Variants in TMOD3 observed in about 807,000 individuals in gnomAD.
TMOD3 encodes tropomodulin 3, also known as tropomodulin-3.
TMOD3 carries 20 observed loss-of-function variants against 39.2 expected under a neutral mutation model. The observed-to-expected ratio is 0.51, with a 90% CI of 0.36 to 0.74. TMOD3 has a LOEUF of 0.74. TMOD3 is among the 30% of genes least tolerant of loss of function. The pLI, the probability that TMOD3 is intolerant of heterozygous loss-of-function variation, is 0.00. For missense variants in TMOD3, 381 were observed against 412.8 expected (o/e 0.92, Z 0.67); for synonymous variants, 143 against 145.8 (o/e 0.98, Z 0.14).
In TMOD3 at chr15:51,862,304, C is replaced by T. The variant is rs545680946; in HGVS notation, c.-74-507C>T. On this transcript the variant is annotated intron_variant, in intron 1 of 9. Transcript: ENST00000308580. ...TAAAAACACCTCAGAAAAATATTTTCAAATGCATCTTTTCAAAAGAATATT... is the reference window on the plus strand; with the variant it reads ...TAAAAACACCTCAGAAAAATATTTTTAAATGCATCTTTTCAAAAGAATATT... Among the ~76,000 whole-genome samples, 3 of 152,210 alleles carry T rather than the reference C, an allele frequency of 2.0e-5. No individual in the cohort carries two copies. The South Asian group carries it at 6.2e-4, about 32-fold the overall frequency.
chr15:51,862,185 C>T (rs2056422811), intron 1 of TMOD3, among the ~76,000 whole-genome samples: 1 of 152,150 alleles, frequency 6.6e-6, no homozygotes, highest in African/African-American at 2.4e-5. Context: ...CAGTCAGACC[C>T]TCCCACCAAC....
rs1425593717 is a variant in TMOD3 at position 51,914,646 on chromosome 15, CAGAGTGA to C, written c.*5837_*5843del. The C allele has an allele frequency of 6.3e-6, 1 of 157,864 alleles. No individual in the cohort carries two copies. The highest frequency in any genetic ancestry group is 2.4e-5 in the African/African-American group (1 of 41,430). The allele number at this position is 157,864 out of a possible 1,614,324, so 9.8% of individuals were successfully genotyped here. On this transcript the variant is annotated 3_prime_UTR_variant, in exon 10 of 10. Transcript: ENST00000308580. The stretch of plus-strand genomic sequence containing the variant: ...TGCCATTGCACTCCAGCCTGGGTGA[CAGAGTGA>C]GACTCCATCTCAAAAAAATATATGT...
Position 51,869,262 on chromosome 15 carries a change from A to T in TMOD3, c.172A>T (p.Lys58Ter). 1.2e-6 allele frequency: 2 copies of T among 1,614,136 alleles called. No homozygotes were observed. Among genetic ancestry groups the T allele is most frequent in the Non-Finnish European group, 1.7e-6 (2 of 1,180,010 alleles). Residue 58 changes from lysine to a stop codon, truncating the protein, a stop_gained, in exon 3 of 10, where the codon AAG becomes TAG. Transcript: ENST00000308580. LOFTEE classifies it high-confidence loss of function. ...AGFRQKNQTS[K>*]STTGPFDREH... Reference sequence around the variant, plus strand: ...GTTCCGGCAGAAGAACCAGACATCAAAGTCCACCACAGGGCCATTTGATAG... The same window carrying T: ...GTTCCGGCAGAAGAACCAGACATCATAGTCCACCACAGGGCCATTTGATAG...
At chr15:51,862,492 A>G (rs1000063084) in intron 1 of TMOD3, among the ~76,000 whole-genome samples, 4 of 152,212 alleles carry the variant, frequency 2.6e-5, no homozygotes, top group East Asian at 3.8e-4. Context: ...TTTGAAAGCT[A>G]TTGATGGAAA....
At chr15:51,892,147 C>T (rs1164555682) in intron 5 of TMOD3, among the ~76,000 whole-genome samples, 2 of 152,102 alleles carry the variant, frequency 1.3e-5, no homozygotes, top group Non-Finnish European at 2.9e-5. Context: ...CACCCTGTCT[C>T]AAGATGAGTT....
Position 51,915,687 on chromosome 15 carries a change from A to G in TMOD3, c.*6877A>G, listed in dbSNP as rs1032461255. 6.6e-6 allele frequency: 1 copy of G among 152,222 alleles called. No individual in the cohort carries two copies. Among genetic ancestry groups the G allele is most frequent in the Admixed American group, 6.5e-5 (1 of 15,290 alleles). 9.4% of individuals were successfully genotyped at this position (152,222 alleles called of 1,614,324 possible). A position where few individuals can be genotyped will look rare whatever the true frequency, so the allele number is the denominator to read the frequency against. ...TTAGAACTTACCAATATATACTGGGATAAATCGTTTCAATAAAGTTTATCA... is the reference window on the plus strand; with the variant it reads ...TTAGAACTTACCAATATATACTGGGGTAAATCGTTTCAATAAAGTTTATCA... On this transcript the variant is annotated 3_prime_UTR_variant, in exon 10 of 10. Transcript: ENST00000308580.
chr15:51,897,126 G>GC (rs2056624654), intron 7 of TMOD3, among the ~76,000 whole-genome samples: 1 of 152,184 alleles, frequency 6.6e-6, no homozygotes, highest in South Asian at 2.1e-4. Context: ...CCTTCTCAAA[G>GC]CCCTGTACTG....
chr15:51,913,565 A>C lies in TMOD3; in HGVS notation c.*4755A>C, dbSNP rs969454915. 18 of 152,222 alleles carry C rather than the reference A, an allele frequency of 1.2e-4. No homozygotes were observed. The highest frequency in any genetic ancestry group is 4.3e-4 in the African/African-American group (18 of 41,452). The allele number at this position is 152,222 out of a possible 1,614,324, so 9.4% of individuals were successfully genotyped here. On this transcript the variant is annotated 3_prime_UTR_variant, in exon 10 of 10. Coordinates refer to ENST00000308580, the MANE Select transcript of TMOD3 (RefSeq NM_014547.5). ...TATAAGTTCTTCCCTATAAAAAATG[A>C]ATGAATTAGAAATTTGATAATAAAA...
chr15:51,868,562 T>C (rs976892609), intron 2 of TMOD3, among the ~76,000 whole-genome samples: 4 of 152,346 alleles, frequency 2.6e-5, no homozygotes, highest in Middle Eastern at 3.4e-3. Context: ...CTCCCACTTA[T>C]GTAAGTAAGA....
chr15:51,866,527 A>G (rs1457005951), intron 2 of TMOD3, among the ~76,000 whole-genome samples: 2 of 152,156 alleles, frequency 1.3e-5, no homozygotes, highest in African/African-American at 2.4e-5. Context: ...AAGAAAGAAA[A>G]AAAAGGCTTT....
At chr15:51,867,351 C>G (rs921529678) in intron 2 of TMOD3, among the ~76,000 whole-genome samples, 1 of 152,140 alleles carries the variant, frequency 6.6e-6, no homozygotes. Context: ...TGTAATTCCT[C>G]TCATGATTTC....
chr15:51,886,075 CG>C (rs1174158154), intron 3 of TMOD3, among the ~76,000 whole-genome samples: 1 of 150,762 alleles, frequency 6.6e-6, no homozygotes, highest in African/African-American at 2.4e-5. Context: ...ACGGGGCGGC[CG>C]GGCAGAGACT....
chr15:51,873,837 G>C (rs562971602), intron 3 of TMOD3, among the ~76,000 whole-genome samples: 1 of 152,174 alleles, frequency 6.6e-6, no homozygotes, highest in South Asian at 2.1e-4. Flanking sequence ...GGTCAGGCTG[G>C]TCTCGAACTC....
chr15:51,848,336 G>A (rs963768372), intron 1 of TMOD3, among the ~76,000 whole-genome samples: 1 of 152,158 alleles, frequency 6.6e-6, no homozygotes, highest in African/African-American at 2.4e-5. Context: ...CATTGTCCCT[G>A]ACAGATATTC....
intron 3 of TMOD3, among the ~76,000 whole-genome samples, chr15:51,874,401 G>T (rs943705403): frequency 6.6e-6 from 1 of 152,148 alleles, no homozygotes; most frequent in Non-Finnish European, 1.5e-5. Flanking sequence ...GGAGTATTTT[G>T]TCCTATACTG....
In TMOD3 at chr15:51,905,432, A is replaced by G. The variant is rs527356409; in HGVS notation, c.1025-3344A>G. 3.6e-4 allele frequency among the ~76,000 whole-genome samples: 54 copies of G among 152,100 alleles called. 2 individuals are homozygous for G. In the South Asian group the frequency reaches 0.011, roughly 32 times the overall value. On this transcript the variant is annotated intron_variant, in intron 9 of 9. Coordinates refer to ENST00000308580, the MANE Select transcript of TMOD3 (RefSeq NM_014547.5). ...AACCCAGAAGGCGGAGGTTGCAGTG[A>G]GCCGAGATTGCACCACTGTACTCCA... is the stretch of plus-strand genomic sequence containing the variant.
rs1445627118 is a variant in TMOD3 at position 51,878,374 on chromosome 15, A to ATGTGTGTGTGTGTGTG, written c.283+9002_283+9003insGTGTGTGTGTGTGTGT. On this transcript the variant is annotated intron_variant, in intron 3 of 9. Transcript: ENST00000308580. ...ATAACAAGAACCATCTCTTTAAAAT[A>ATGTGTGTGTGTGTGTG]TATGTGTGTGTGTGTGTGTGTGTGT... Among the ~76,000 whole-genome samples, 7 of 80,790 alleles carry ATGTGTGTGTGTGTGTG rather than the reference A, an allele frequency of 8.7e-5. No individual in the cohort carries two copies. In the South Asian group the frequency reaches 1.3e-3, roughly 14 times the overall value. The allele number at this position is 80,790 out of a possible 152,430, so 53.0% of individuals were successfully genotyped here. A position where few individuals can be genotyped will look rare whatever the true frequency, so the allele number is the denominator to read the frequency against.
rs568653677 is a variant in TMOD3, at chr15:51,838,393, A to C, written c.-75+8557A>C. ...ATAGAGTATGTTAGTCAAGGTGTTT[A>C]GGTCTCCGGGAACACAAACCCACTT... On this transcript the variant is annotated intron_variant, in intron 1 of 9. Coordinates refer to ENST00000308580, the MANE Select transcript of TMOD3 (RefSeq NM_014547.5). Among the ~76,000 whole-genome samples the C allele has an allele frequency of 7.2e-5, 11 of 152,274 alleles. No homozygotes were observed. The East Asian group carries it at 1.9e-3, about 27-fold the overall frequency.
In TMOD3 at chr15:51,901,911, C is replaced by T. The variant is rs1215786027; in HGVS notation, c.899C>T (p.Ala300Val). 37 of 1,613,968 alleles carry T rather than the reference C, an allele frequency of 2.3e-5. No individual in the cohort carries two copies. The highest frequency in any genetic ancestry group is 2.8e-5 in the Non-Finnish European group (33 of 1,179,968). ...IDNQRQQLGT[A>V]VELEMAKMLE... Reference sequence around the variant, plus strand: ...CTCCAGAGGCAGCAGTTGGGGACAGCTGTAGAATTGGAAATGGCCAAGATG... The same window carrying T: ...CTCCAGAGGCAGCAGTTGGGGACAGTTGTAGAATTGGAAATGGCCAAGATG... Residue 300 changes from alanine (A) to valine (V), a missense_variant, in exon 9 of 10, where the codon GCT becomes GTT. Physicochemically the swap from Ala to Val is moderately conservative, Grantham distance 64. Coordinates refer to ENST00000308580, the MANE Select transcript of TMOD3 (RefSeq NM_014547.5).
Sources: allele counts gnomAD v4.1 joint callset (sites outside exome capture counted in the v4.1 genomes callset), GRCh38; gene constraint gnomAD v4.1.1; transcripts MANE v1.5; gene names NCBI Gene and HGNC (gene_info 2026-07-23, HGNC 2026-07-21).